The following PKHD1 variants were observed in gnomAD, a reference collection of about 807,000 sequenced individuals.
PKHD1 encodes the protein fibrocystin.
Under a neutral mutation model 412.0 loss-of-function variants are expected in PKHD1, and 291 were observed. The ratio of observed to expected loss-of-function variants is 0.71; its 90% CI spans 0.64 to 0.78. PKHD1 has a LOEUF of 0.78. Among genes scored for constraint, PKHD1 ranks in the 30% least tolerant of loss-of-function variants. The pLI is 0.00. For synonymous variants in PKHD1, 1,777 were observed against 1,821.5 expected (o/e 0.98, Z 0.62); for missense variants, 4,825 against 4,950.7 (o/e 0.97, Z 0.76).
At chr6:51,953,932 C>T (rs1790742903) in intron 36 of PKHD1, among the ~76,000 whole-genome samples, 1 of 151,990 alleles carries the variant, frequency 6.6e-6, no homozygotes. Context: ...TCCGTCCCTC[C>T]CTCGCAATAG....
chr6:51,619,497 C>T lies in PKHD1; in HGVS notation c.11809G>A (p.Gly3937Ser), dbSNP rs1486122346. The part of the protein sequence containing the change: ...GEDMRMKVML[G>S]KVNQCPHQLM... ...TGGTGGGGGCACTGGTTCACCTTGC[C>T]CAGCATGACCTTCATTCTCATATCT... The change falls in exon 67 of 67, where the codon GGC becomes AGC. Residue 3937 changes from glycine to serine, a missense_variant. Gly to Ser is a moderately conservative substitution (Grantham distance 56). Coordinates refer to ENST00000371117, the MANE Select transcript of PKHD1 (RefSeq NM_138694.4). 4 of 1,613,904 alleles carry T rather than the reference C, an allele frequency of 2.5e-6. No homozygotes were observed. In the African/African-American group the frequency reaches 5.3e-5, roughly 22 times the overall value.
chr6:51,950,899 C>G (rs945622434), intron 36 of PKHD1, among the ~76,000 whole-genome samples: 5 of 152,218 alleles, frequency 3.3e-5, no homozygotes, highest in African/African-American at 9.6e-5. Flanking sequence ...AATTGCTCCT[C>G]CGGGTGAATG....
chr6:51,792,838 CT>C (rs1288354619), intron 52 of PKHD1, among the ~76,000 whole-genome samples: 1 of 152,214 alleles, frequency 6.6e-6, no homozygotes, highest in Non-Finnish European at 1.5e-5. Flanking sequence ...AACAACCTCT[CT>C]CTTTTACACT....
chr6:52,068,421 G>A (rs535138596), intron 11 of PKHD1, among the ~76,000 whole-genome samples: 344 of 152,302 alleles, frequency 2.3e-3, no homozygotes, highest in Non-Finnish European at 3.7e-3. Context: ...GATAGCAATG[G>A]GCAGGCTCAC....
intron 56 of PKHD1, among the ~76,000 whole-genome samples, 174 bp downstream of exon 56, chr6:51,754,609 AG>A (rs1786659598): frequency 6.6e-6 from 1 of 152,170 alleles, no homozygotes; most frequent in African/African-American, 2.4e-5. Flanking sequence ...TTAAAAATAA[AG>A]CAACAAAATT....
chr6:51,891,392 G>A (rs1779097472), intron 43 of PKHD1, among the ~76,000 whole-genome samples: 1 of 152,068 alleles, frequency 6.6e-6, no homozygotes, highest in East Asian at 1.9e-4. Context: ...CGATTCTCCT[G>A]CCTTAGCCTC....
intron 52 of PKHD1, among the ~76,000 whole-genome samples, chr6:51,824,352 A>T (rs1192494889): frequency 1.3e-5 from 2 of 152,184 alleles, no homozygotes; most frequent in East Asian, 3.8e-4. Flanking sequence ...GATTTGATAT[A>T]TGAAAAGTTT....
intron 53 of PKHD1, among the ~76,000 whole-genome samples, chr6:51,779,567 G>A (rs1420806777): frequency 6.6e-6 from 1 of 152,068 alleles, no homozygotes; most frequent in African/African-American, 2.4e-5. Context: ...TTCCAGAAAT[G>A]TTTAACTTGG....
chr6:51,799,714 C>A (rs1327532377), intron 52 of PKHD1, among the ~76,000 whole-genome samples: 3 of 152,174 alleles, frequency 2.0e-5, no homozygotes, highest in Non-Finnish European at 4.4e-5. Flanking sequence ...GACAAATCCT[C>A]AGCTACAATG....
At chr6:51,800,229 C>G (rs532868378) in intron 52 of PKHD1, among the ~76,000 whole-genome samples, 59 of 152,288 alleles carry the variant, frequency 3.9e-4, no homozygotes, top group African/African-American at 1.4e-3. Flanking sequence ...CATCTTTATC[C>G]TAGTGTGTTT....
At chr6:51,854,174 T>G (rs1772852083) in intron 49 of PKHD1, among the ~76,000 whole-genome samples, 1 of 152,024 alleles carries the variant, frequency 6.6e-6, no homozygotes, top group South Asian at 2.1e-4. Context: ...TGTTTTTCTT[T>G]CGGGTCCCTC....
intron 53 of PKHD1, among the ~76,000 whole-genome samples, chr6:51,777,240 C>G (rs1216488177): frequency 6.6e-6 from 1 of 152,106 alleles, no homozygotes; most frequent in African/African-American, 2.4e-5. Context: ...TCCCCCCTTG[C>G]TGACACTTCC....
Position 51,791,245 on chromosome 6 carries a change from G to T in PKHD1, c.8431C>A (p.Leu2811Met), listed in dbSNP as rs761094807. The change falls in exon 53 of 67, where the codon CTG (leucine) becomes ATG (methionine). Residue 2811 changes from leucine to methionine, a missense_variant. Coordinates refer to ENST00000371117, the MANE Select transcript of PKHD1 (RefSeq NM_138694.4). Reference sequence around the variant, plus strand: ...TTGTGCCTTTACTCACCAACTTTCAGCTCCCCGCCTGCAATGACCATGCAT... The same window carrying T: ...TTGTGCCTTTACTCACCAACTTTCATCTCCCCGCCTGCAATGACCATGCAT... ...VACMVIAGGE[L>M]KVGTLENPLE... 6.2e-7 allele frequency: 1 copy of T among 1,613,806 alleles called. No individual in the cohort carries two copies. Among genetic ancestry groups the T allele is most frequent in the Non-Finnish European group, 8.5e-7 (1 of 1,179,862 alleles).
chr6:51,804,374 C>G (rs73740030), intron 52 of PKHD1, among the ~76,000 whole-genome samples: 4,522 of 16,652 alleles, frequency 0.27, 469 homozygotes, highest in East Asian at 0.59. Context: ...GGGGGGGGGG[C>G]GGTAACAGGA....
intron 36 of PKHD1, among the ~76,000 whole-genome samples, chr6:51,949,743 T>C (rs76447247): frequency 1.3e-5 from 2 of 152,168 alleles, no homozygotes; most frequent in East Asian, 1.9e-4. Flanking sequence ...CACATATTCA[T>C]GGGGGATGTG....
intron 60 of PKHD1, among the ~76,000 whole-genome samples, chr6:51,712,834 A>G (rs914921536): frequency 1.3e-5 from 2 of 152,226 alleles, no homozygotes; most frequent in Admixed American, 1.3e-4. Context: ...AAAGTAGTAG[A>G]TGCAATAATG....
chr6:51,645,664 A>G (rs1262210232), intron 63 of PKHD1, among the ~76,000 whole-genome samples: 1 of 152,228 alleles, frequency 6.6e-6, no homozygotes, highest in African/African-American at 2.4e-5. Flanking sequence ...AAAGTGCTGG[A>G]TTACAGGCAC....
chr6:51,929,884 A>T (rs1312480225), intron 37 of PKHD1, among the ~76,000 whole-genome samples: 2 of 152,200 alleles, frequency 1.3e-5, no homozygotes, highest in Non-Finnish European at 2.9e-5. Context: ...AAGGACAAAG[A>T]CAGAAGTCCA....
At chr6:51,794,674 T>C (rs925832281) in intron 52 of PKHD1, among the ~76,000 whole-genome samples, 1 of 152,220 alleles carries the variant, frequency 6.6e-6, no homozygotes, top group African/African-American at 2.4e-5. Context: ...AAGTCTTTAT[T>C]CCATCTTGAG....
Sources: allele counts gnomAD v4.1 joint callset (sites outside exome capture counted in the v4.1 genomes callset), GRCh38; gene constraint gnomAD v4.1.1; transcripts MANE v1.5; gene names NCBI Gene and HGNC (gene_info 2026-07-23, HGNC 2026-07-21).